Variants in DNAH6 observed in about 807,000 individuals in gnomAD.
DNAH6 encodes the protein dynein axonemal heavy chain 6.
Under a neutral mutation model 491.4 loss-of-function variants are expected in DNAH6, and 340 were observed. That is an observed-to-expected ratio of 0.69 (90% confidence interval 0.63 to 0.76). The LOEUF is 0.76. Among genes scored for constraint, DNAH6 ranks in the 30% least tolerant of loss-of-function variants. DNAH6 has a pLI of 0.00. For synonymous variants in DNAH6, 1,603 were observed against 1,686.1 expected (o/e 0.95, Z 1.21); for missense variants, 4,443 against 4,972.2 (o/e 0.89, Z 3.20).
chr2:84,808,138 T>C (rs1679619585), intron 71 of DNAH6, among the ~76,000 whole-genome samples: 1 of 142,804 alleles, frequency 7.0e-6, no homozygotes, highest in East Asian at 2.0e-4. Context: ...TATATGTGTG[T>C]GTGTGTGTGT....
chr2:84,804,218 A>G (rs1679206895), intron 70 of DNAH6, among the ~76,000 whole-genome samples: 1 of 151,556 alleles, frequency 6.6e-6, no homozygotes, highest in African/African-American at 2.4e-5. Context: ...AAAAAAAAAA[A>G]AAAAAAGTCT....
Position 84,630,478 on chromosome 2 carries a change from ACCATGTTAAC to A in DNAH6, c.4516-4025_4516-4016del, listed in dbSNP as rs1193391009. 1.2e-4 allele frequency among the ~76,000 whole-genome samples: 18 copies of A among 152,318 alleles called. No individual in the cohort carries two copies. In the South Asian group the frequency reaches 3.7e-3, roughly 32 times the overall value. ...GAAGTACAGGTGTATGAGATAAAGG[ACCATGTTAAC>A]ACCACAAGAATACAATCAGCTAAAT... On this transcript the variant is annotated intron_variant, in intron 29 of 76. Transcript: ENST00000389394.
Position 84,697,724 on chromosome 2 carries a change from C to T in DNAH6, c.7674C>T (p.Asp2558=), listed in dbSNP as rs767618463. The T allele has an allele frequency of 1.9e-5, 30 of 1,551,510 alleles. No individual in the cohort carries two copies. Among genetic ancestry groups the T allele is most frequent in the South Asian group, 1.7e-4 (14 of 84,068 alleles). Residue 2558 remains aspartate (D), a synonymous_variant, in exon 47 of 77, where the codon GAC becomes GAT. Transcript: ENST00000389394. The part of the protein sequence containing the change: ...KEVGISEGNR[D]EVFQYFISKV... ...TAGGAATTTCTGAGGGGAACAGAGA[C>T]GAGGTAGGATGTGCCAGAGTAGTTA... is the stretch of plus-strand genomic sequence containing the variant.
intron 66 of DNAH6, 39 bp downstream of exon 66, chr2:84,784,849 G>T: frequency 7.1e-7 from 1 of 1,414,592 alleles, no homozygotes; most frequent in Non-Finnish European, 9.8e-7. Context: ...TGAAATGGTT[G>T]GTTTCAGAAT....
At chr2:84,669,875 G>T (rs1308432755) in intron 38 of DNAH6, among the ~76,000 whole-genome samples, 1 of 152,258 alleles carries the variant, frequency 6.6e-6, no homozygotes, top group Non-Finnish European at 1.5e-5. Context: ...ATCCCCTCTG[G>T]CCTGTTCACT....
intron 4 of DNAH6, among the ~76,000 whole-genome samples, chr2:84,530,728 T>A (rs138769459): frequency 6.6e-6 from 1 of 152,042 alleles, no homozygotes; most frequent in Non-Finnish European, 1.5e-5. Context: ...TGGTAAGAAA[T>A]AGGTCTGCTT....
At chr2:84,542,064 G>C (rs1458024663) in intron 4 of DNAH6, among the ~76,000 whole-genome samples, 2 of 152,126 alleles carry the variant, frequency 1.3e-5, no homozygotes, top group African/African-American at 4.8e-5. Flanking sequence ...GATAAGAAGA[G>C]AAATACAAAT....
intron 59 of DNAH6, among the ~76,000 whole-genome samples, chr2:84,721,031 C>G (rs1286886817): frequency 6.6e-6 from 1 of 152,188 alleles, no homozygotes; most frequent in African/African-American, 2.4e-5. Context: ...CTCATATTCT[C>G]TAAACGCGGC....
chr2:84,517,043 T>C (rs1395185970), intron 1 of DNAH6, among the ~76,000 whole-genome samples: 3 of 152,148 alleles, frequency 2.0e-5, no homozygotes, highest in Admixed American at 2.0e-4. Flanking sequence ...TGCTTGAAAA[T>C]TAAAATTGCA....
intron 63 of DNAH6, among the ~76,000 whole-genome samples, chr2:84,745,874 A>G (rs1672928010): frequency 6.6e-6 from 1 of 152,058 alleles, no homozygotes; most frequent in South Asian, 2.1e-4. Flanking sequence ...CTTGACAACA[A>G]TGGAGAGGAG....
intron 2 of DNAH6, among the ~76,000 whole-genome samples, chr2:84,518,972 G>A (rs72939135): frequency 0.011 from 1,674 of 152,220 alleles, 28 homozygotes; most frequent in African/African-American, 0.037. Flanking sequence ...TTGAGCCCAG[G>A]AGGTAGAGGC....
chr2:84,585,560 T>C (rs933490836), intron 15 of DNAH6, among the ~76,000 whole-genome samples: 1 of 152,096 alleles, frequency 6.6e-6, no homozygotes, highest in African/African-American at 2.4e-5. Flanking sequence ...GACTCCTCTC[T>C]GCAGGCAGGT....
At chr2:84,622,533 G>A (rs529764355) in intron 26 of DNAH6, among the ~76,000 whole-genome samples, 6 of 152,170 alleles carry the variant, frequency 3.9e-5, no homozygotes, top group South Asian at 2.1e-4. Flanking sequence ...GATTACAGGC[G>A]TGATAATCAT....
chr2:84,531,988 T>C (rs190019106), intron 4 of DNAH6, among the ~76,000 whole-genome samples: 54 of 152,268 alleles, frequency 3.5e-4, no homozygotes, highest in African/African-American at 1.1e-3. Context: ...TTGATTCATA[T>C]GTGAAAATGT....
chr2:84,630,751 G>A (rs1688322964), intron 29 of DNAH6, among the ~76,000 whole-genome samples: 1 of 152,110 alleles, frequency 6.6e-6, no homozygotes, highest in Admixed American at 6.5e-5. Flanking sequence ...TTTTTCTTTG[G>A]GTAGGTTAGC....
In DNAH6 at chr2:84,701,173, A is replaced by C. The variant is rs1475108175; in HGVS notation, c.7895A>C (p.Glu2632Ala). 3.2e-6 allele frequency: 5 copies of C among 1,551,870 alleles called. No individual in the cohort carries two copies. Among genetic ancestry groups the C allele is most frequent in the Non-Finnish European group, 3.5e-6 (4 of 1,146,996 alleles). Reference sequence around the variant, plus strand: ...GATGCTGGAAATGAAGAACTGAAAGAAAAGCTTCCCTTGATGTGCGTGAAC... The same window carrying C: ...GATGCTGGAAATGAAGAACTGAAAGCAAAGCTTCCCTTGATGTGCGTGAAC... ...QVDAGNEELK[E>A]KLPLMCVNVH... The change falls in exon 49 of 77, where the codon GAA (glutamate) becomes GCA (alanine). Residue 2632 changes from glutamate (E) to alanine (A), a missense_variant. Around this residue, in one of 3 missense-constraint regions of DNAH6, gnomAD observed 2,977 missense variants for 3,296.6 expected, o/e 0.90. Coordinates refer to ENST00000389394, the MANE Select transcript of DNAH6 (RefSeq NM_001370.2).
intron 32 of DNAH6, among the ~76,000 whole-genome samples, chr2:84,640,807 T>C (rs1303973700): frequency 1.3e-5 from 2 of 152,182 alleles, no homozygotes; most frequent in African/African-American, 4.8e-5. Flanking sequence ...CGACAGAAAA[T>C]GATCCCCAGC....
chr2:84,584,996 T>A lies in DNAH6; in HGVS notation c.2481+746T>A, dbSNP rs115310478. On this transcript the variant is annotated intron_variant, in intron 15 of 76. Coordinates refer to ENST00000389394, the MANE Select transcript of DNAH6 (RefSeq NM_001370.2). ...ACAATAGAAAAAATATAGGGTACATTGACTCAAAAGAATATAATACAGACA... is the reference window on the plus strand; with the variant it reads ...ACAATAGAAAAAATATAGGGTACATAGACTCAAAAGAATATAATACAGACA... The A allele has an allele frequency of 2.5e-3, 374 of 152,356 alleles. 2 individuals are homozygous for A. Among genetic ancestry groups the A allele is most frequent in the African/African-American group, 8.8e-3 (367 of 41,574 alleles). The allele number at this position is 152,356 out of a possible 1,614,324, so 9.4% of individuals were successfully genotyped here.
intron 61 of DNAH6, among the ~76,000 whole-genome samples, chr2:84,729,767 A>G (rs1698971918): frequency 6.6e-6 from 1 of 152,178 alleles, no homozygotes. Flanking sequence ...CTTGACTAAT[A>G]ATTTTTTTAG....
Sources: gnomAD v4.1 joint callset for allele counts (sites outside exome capture counted in the v4.1 genomes callset) on GRCh38, gnomAD v4.1.1 for gene constraint, gnomAD v4.1.1 regional missense constraint, MANE v1.5 for transcripts, NCBI Gene and HGNC (gene_info 2026-07-23, HGNC 2026-07-21) for gene names.